The following GLIS3 variants were observed in gnomAD, a reference collection of about 807,000 sequenced individuals.
GLIS3 encodes the protein GLIS family zinc finger 3.
GLIS3 carries 53 observed loss-of-function variants against 78.6 expected under a neutral mutation model. That is an observed-to-expected ratio of 0.67 (90% CI 0.54 to 0.85). The LOEUF (loss-of-function observed/expected upper bound fraction) is 0.85, where lower values mean the gene tolerates loss of function less well. GLIS3 is among the 40% of genes least tolerant of loss of function. The pLI is 0.00. For synonymous variants in GLIS3, 684 were observed against 509.9 expected (o/e 1.34, Z -4.60); for missense variants, 1,703 against 1,231.1 (o/e 1.38, Z -5.74).
At chr9:4,111,223 A>G (rs1831187203) in intron 4 of GLIS3, among the ~76,000 whole-genome samples, 1 of 152,198 alleles carries the variant, frequency 6.6e-6, no homozygotes, top group Non-Finnish European at 1.5e-5. Context: ...AAAACACAAA[A>G]CAAATATGAA....
chr9:4,083,782 C>G (rs759993522), intron 4 of GLIS3, among the ~76,000 whole-genome samples: 1 of 152,112 alleles, frequency 6.6e-6, no homozygotes, highest in Non-Finnish European at 1.5e-5. Context: ...AAAAATTACC[C>G]TCTACCTTGA....
chr9:4,105,990 C>T (rs1830721516), intron 4 of GLIS3, among the ~76,000 whole-genome samples: 1 of 152,130 alleles, frequency 6.6e-6, no homozygotes, highest in Non-Finnish European at 1.5e-5. Flanking sequence ...AAACTCAATC[C>T]ATGCCGCAAG....
chr9:4,053,606 T>C (rs558546444), intron 4 of GLIS3, among the ~76,000 whole-genome samples: 104 of 146,756 alleles, frequency 7.1e-4, no homozygotes, highest in Middle Eastern at 3.6e-3. Context: ...CTTTCTCTAG[T>C]GGATAAATGT....
intron 1 of GLIS3, among the ~76,000 whole-genome samples, chr9:4,294,719 T>C (rs562403930): frequency 2.0e-5 from 3 of 152,314 alleles, no homozygotes; most frequent in East Asian, 1.9e-4. Flanking sequence ...GGGTCATAGC[T>C]AATTTATCTT....
At chr9:4,110,759 T>G (rs1465784628) in intron 4 of GLIS3, among the ~76,000 whole-genome samples, 1 of 152,190 alleles carries the variant, frequency 6.6e-6, no homozygotes, top group Admixed American at 6.5e-5. Flanking sequence ...TTAGAAGCCC[T>G]GACTCAGCAA....
chr9:3,883,368 G>C (rs1821864473), intron 7 of GLIS3, among the ~76,000 whole-genome samples: 1 of 152,304 alleles, frequency 6.6e-6, no homozygotes, highest in East Asian at 1.9e-4. Context: ...TTTTAAGTCT[G>C]AATATCTGCC....
chr9:4,488,107 T>TGTTGGTTG, the GLIS3 span, among the ~76,000 whole-genome samples: 367 of 151,558 alleles, frequency 2.4e-3, 1 homozygote, highest in African/African-American at 8.6e-3. Flanking sequence ...TTCGTCTGTT[T>TGTTGGTTG]GTTGGTTGGT....
chr9:4,479,577 G>T, the GLIS3 span, among the ~76,000 whole-genome samples: 2 of 152,004 alleles, frequency 1.3e-5, no homozygotes, highest in African/African-American at 4.8e-5. Flanking sequence ...CCCAGCCCAT[G>T]ACCATACTGT....
intron 4 of GLIS3, among the ~76,000 whole-genome samples, chr9:3,989,104 A>T (rs78991768): frequency 0.033 from 4,999 of 152,318 alleles, 132 homozygotes; most frequent in African/African-American, 0.071. Context: ...AAAGATATTT[A>T]ACTAAAGAGG....
intron 1 of GLIS3, among the ~76,000 whole-genome samples, chr9:4,289,880 A>G (rs946671474): frequency 1.3e-5 from 2 of 152,196 alleles, no homozygotes; most frequent in Non-Finnish European, 2.9e-5. Context: ...AAATCAGGTC[A>G]GAGAGGAAAT....
intron 2 of GLIS3, among the ~76,000 whole-genome samples, chr9:4,320,957 C>T (rs1817514568): frequency 6.6e-6 from 1 of 152,018 alleles, no homozygotes; most frequent in African/African-American, 2.4e-5. Context: ...ATGGCTCCCA[C>T]AGCTCTCGAG....
intron 4 of GLIS3, among the ~76,000 whole-genome samples, chr9:4,112,314 C>A (rs571291681): frequency 6.6e-6 from 1 of 152,168 alleles, no homozygotes; most frequent in East Asian, 1.9e-4. Flanking sequence ...CTACCCTAAT[C>A]ATTGTCAGGA....
chr9:4,444,856 A>C, the GLIS3 span, among the ~76,000 whole-genome samples: 1 of 152,190 alleles, frequency 6.6e-6, no homozygotes, highest in Non-Finnish European at 1.5e-5. Context: ...AATTGTCTGA[A>C]AAGAGGTAAG....
At chr9:4,376,570 G>A in the GLIS3 span, among the ~76,000 whole-genome samples, 8 of 134,994 alleles carry the variant, frequency 5.9e-5, 2 homozygotes, top group Non-Finnish European at 1.0e-4. Flanking sequence ...AGCAAGTCAC[G>A]AAAATAGAAG....
intron 4 of GLIS3, among the ~76,000 whole-genome samples, chr9:3,951,411 C>T (rs1406690748): frequency 1.3e-5 from 2 of 149,910 alleles, no homozygotes; most frequent in Admixed American, 6.6e-5. Context: ...AAAAAAAAAG[C>T]AAGGCATCCA....
chr9:4,069,481 G>C (rs1827403060), intron 4 of GLIS3, among the ~76,000 whole-genome samples: 1 of 152,182 alleles, frequency 6.6e-6, no homozygotes, highest in African/African-American at 2.4e-5. Context: ...CACACTAAAA[G>C]ACCAGTCCCT....
chr9:4,334,570 ATTG>A (rs1284462212), intron 2 of GLIS3, among the ~76,000 whole-genome samples: 1 of 152,196 alleles, frequency 6.6e-6, no homozygotes, highest in Non-Finnish European at 1.5e-5. Context: ...TGGGGAAGTT[ATTG>A]TTGTCCTCCT....
intron 8 of GLIS3, among the ~76,000 whole-genome samples, chr9:3,873,279 ATAAC>A (rs1200401911): frequency 6.6e-6 from 1 of 152,216 alleles, no homozygotes; most frequent in Non-Finnish European, 1.5e-5. Flanking sequence ...CACAACAACA[ATAAC>A]AAACAACAAA....
chr9:4,169,643 A>G (rs74771140), intron 2 of GLIS3, among the ~76,000 whole-genome samples: 6,065 of 152,306 alleles, frequency 0.04, 169 homozygotes, highest in Middle Eastern at 0.099. Context: ...AATAACTTGC[A>G]TAAGAAAATG....
Sources: gnomAD v4.1 joint callset for allele counts (sites outside exome capture counted in the v4.1 genomes callset) on GRCh38, gnomAD v4.1.1 for gene constraint, MANE v1.5 for transcripts, NCBI Gene and HGNC (gene_info 2026-07-23, HGNC 2026-07-21) for gene names.